MORC4: variants seen among roughly 807,000 people sequenced by gnomAD.
MORC4 encodes the protein MORC family CW-type zinc finger protein 4.
Under a neutral mutation model 65.5 loss-of-function variants are expected in MORC4, and 22 were observed. The ratio of observed to expected loss-of-function variants is 0.34; its 90% CI spans 0.24 to 0.48. MORC4 has a LOEUF of 0.48. Among genes scored for constraint, MORC4 ranks in the 20% least tolerant of loss-of-function variants. MORC4 has a pLI of 0.99. For synonymous variants in MORC4, 267 were observed against 255.8 expected, an observed-to-expected ratio of 1.04 and a Z score of -0.42; for missense variants, 624 against 703.0, an observed-to-expected ratio of 0.89 and a Z score of 1.27.
Position 106,957,086 on chromosome X carries a change from G to T in MORC4, c.1386-82C>A, listed in dbSNP as rs1370379780. The T allele has an allele frequency of 3.7e-5, 20 of 543,622 alleles. No individual in the cohort carries two copies. The Admixed American group carries it at 5.3e-4, about 14-fold the overall frequency. 44.8% of individuals were successfully genotyped at this position (543,622 alleles called of 1,213,427 possible). A position where few individuals can be genotyped will look rare whatever the true frequency, so the allele number is the denominator to read the frequency against. On this transcript the variant is annotated intron_variant, in intron 11 of 16. Coordinates refer to ENST00000355610, the MANE Select transcript of MORC4 (RefSeq NM_024657.5). ...CTTTTAATTTCCTTATAACTATGCA[G>T]GTTAACAACTCTCTAACATTACAGA...
In MORC4 at chrX:106,999,992, G is replaced by A; in HGVS notation, c.-23C>T. 1.3e-6 allele frequency: 1 copy of A among 752,534 alleles called. No individual in the cohort carries two copies. Among genetic ancestry groups the A allele is most frequent in the Non-Finnish European group, 1.7e-6 (1 of 601,523 alleles). The allele number at this position is 752,534 out of a possible 1,213,427, so 62.0% of individuals were successfully genotyped here. On this transcript the variant is annotated 5_prime_UTR_variant, in exon 1 of 17. It adds an upstream start codon to the 5' untranslated region. Transcript: ENST00000355610. Reference sequence around the variant, plus strand: ...CATTTTTTTGGCCGCCACGGTACCCGTCTGCTGCCGCCGGACCCCTGGCCC... The same window carrying A: ...CATTTTTTTGGCCGCCACGGTACCCATCTGCTGCCGCCGGACCCCTGGCCC...
intron 14 of MORC4, among the ~76,000 whole-genome samples, chrX:106,952,228 C>T (rs758065004): frequency 9.0e-6 from 1 of 110,794 alleles, no homozygotes; most frequent in East Asian, 2.8e-4. Context: ...ATTTCCTCAT[C>T]GTGCAAACAT....
At chrX:106,978,303 G>T (rs2147819588) in intron 7 of MORC4, 104 bp from the exon 8 acceptor site, 1 of 821,065 alleles carries the variant, frequency 1.2e-6, no homozygotes, top group Non-Finnish European at 1.7e-6. Flanking sequence ...GACATAAATT[G>T]GTACAACCTT....
chrX:106,997,550 C>T (rs1390878758), intron 2 of MORC4, among the ~76,000 whole-genome samples: 1 of 112,185 alleles, frequency 8.9e-6, no homozygotes, highest in Non-Finnish European at 1.9e-5. Context: ...CCTGGATCTG[C>T]TACTTAGTAT....
chrX:106,995,656 T>C (rs556762922), intron 2 of MORC4, among the ~76,000 whole-genome samples: 4 of 112,388 alleles, frequency 3.6e-5, no homozygotes, highest in African/African-American at 1.3e-4. Flanking sequence ...TGATGGATGA[T>C]ATAGTCAATC....
chrX:106,999,559 G>GCCCCCCCCCCCCCCCCCCCCCCCCC, intron 2 of MORC4, 118 bp downstream of exon 2: 1 of 616,247 alleles, frequency 1.6e-6, no homozygotes, highest in East Asian at 5.0e-5. Context: ...CGGTTCCGAG[G>GCCCCCCCCCCCCCCCCCCCCCCCCC]CCCCCACCCC....
At position 106,951,366 on chromosome X, in the gene MORC4, C is replaced by T. The variant is rs757683720; in HGVS notation, c.1685+3547G>A. ...ATTCTTGCCTTCATTCAAATGCTTACGGTTACTTTAGATCTTTCTTTTTTT... is the reference window on the plus strand; with the variant it reads ...ATTCTTGCCTTCATTCAAATGCTTATGGTTACTTTAGATCTTTCTTTTTTT... On this transcript the variant is annotated intron_variant, in intron 14 of 16. Transcript: ENST00000355610. Among the ~76,000 whole-genome samples, 17 of 111,610 alleles carry T rather than the reference C, an allele frequency of 1.5e-4. No individual in the cohort carries two copies. In the East Asian group the frequency reaches 4.2e-3, roughly 28 times the overall value.
intron 9 of MORC4, among the ~76,000 whole-genome samples, chrX:106,969,435 CAA>C (rs1294375003): frequency 2.7e-5 from 3 of 111,534 alleles, no homozygotes; most frequent in Non-Finnish European, 5.6e-5. Flanking sequence ...CAAGAGCAAA[CAA>C]ATTCAAAAGC....
chrX:106,960,636 A>G (rs1934215725), intron 10 of MORC4, among the ~76,000 whole-genome samples: 1 of 112,082 alleles, frequency 8.9e-6, no homozygotes, highest in Non-Finnish European at 1.9e-5. Context: ...TGCCTGACAT[A>G]TAAGTAAGCG....
chrX:106,998,448 T>C (rs1935117037), intron 2 of MORC4, among the ~76,000 whole-genome samples: 1 of 112,275 alleles, frequency 8.9e-6, no homozygotes, highest in Non-Finnish European at 1.9e-5. Context: ...GTATATCACG[T>C]TCTGCACCGT....
chrX:106,985,609 TCTG>T (rs772629009), intron 4 of MORC4, among the ~76,000 whole-genome samples: 1 of 111,127 alleles, frequency 9.0e-6, no homozygotes, highest in East Asian at 2.8e-4. Context: ...AATGAGCTAT[TCTG>T]CTATTATATA....
chrX:106,965,523 G>C (rs1392079002), intron 9 of MORC4, among the ~76,000 whole-genome samples: 1 of 111,925 alleles, frequency 8.9e-6, no homozygotes, highest in Non-Finnish European at 1.9e-5. Context: ...ATTAAATCCA[G>C]ATTCACAAAG....
intron 5 of MORC4, among the ~76,000 whole-genome samples, chrX:106,984,488 G>A: frequency 6.3e-5 from 1 of 15,810 alleles, no homozygotes. Flanking sequence ...TTTTTTTTTT[G>A]AGACAGAGTC....
chrX:106,986,215 G>T lies in MORC4; in HGVS notation c.309-15C>A. ...TAAAGCCAAAGCTGCAATTACACAA[G>T]AAAAAACAAATCAGAAAAAAAGAAA... On this transcript the variant is annotated splice_polypyrimidine_tract_variant and intron_variant, in intron 3 of 16. Coordinates refer to ENST00000355610, the MANE Select transcript of MORC4 (RefSeq NM_024657.5). 1 of 1,129,095 alleles carries T rather than the reference G, an allele frequency of 8.9e-7. No individual in the cohort carries two copies. The highest frequency in any genetic ancestry group is 1.2e-6 in the Non-Finnish European group (1 of 839,419). The allele number at this position is 1,129,095 out of a possible 1,213,427, so 93.1% of individuals were successfully genotyped here.
chrX:106,963,403 A>G lies in MORC4; in HGVS notation c.1158-1293T>C, dbSNP rs1934297273. Among the ~76,000 whole-genome samples the G allele has an allele frequency of 2.7e-5, 3 of 112,063 alleles. No individual in the cohort carries two copies. The Admixed American group carries it at 2.8e-4, about 11-fold the overall frequency. Reference sequence around the variant, plus strand: ...TTTGGTCAATTTCAGTTCTTAGCTCAGTAATAGCTACCCATTCCCCACTCC... The same window carrying G: ...TTTGGTCAATTTCAGTTCTTAGCTCGGTAATAGCTACCCATTCCCCACTCC... On this transcript the variant is annotated intron_variant, in intron 9 of 16. Coordinates refer to ENST00000355610, the MANE Select transcript of MORC4 (RefSeq NM_024657.5).
At chrX:106,974,663 G>A (rs1248731975) in intron 9 of MORC4, among the ~76,000 whole-genome samples, 2 of 111,528 alleles carry the variant, frequency 1.8e-5, no homozygotes, top group Admixed American at 9.5e-5. Flanking sequence ...CTCCACAACT[G>A]TTAAAAGTGG....
intron 12 of MORC4, 51 bp downstream of exon 12, chrX:106,956,885 G>A (rs1411436923): frequency 1.0e-6 from 1 of 971,884 alleles, no homozygotes; most frequent in Non-Finnish European, 1.4e-6. Flanking sequence ...GTAAGGAAGT[G>A]TCAGGCTACT....
intron 10 of MORC4, among the ~76,000 whole-genome samples, chrX:106,960,878 A>G (rs1248848107): frequency 1.8e-5 from 2 of 112,220 alleles, no homozygotes; most frequent in East Asian, 5.6e-4. Flanking sequence ...ATAAAATTTT[A>G]TATCATACAT....
At chrX:106,997,602 T>A (rs1569310602) in intron 2 of MORC4, among the ~76,000 whole-genome samples, 1 of 112,558 alleles carries the variant, frequency 8.9e-6, no homozygotes, top group African/African-American at 3.2e-5. Flanking sequence ...TCTGAACCTC[T>A]TTTTCTTCAT....
Sources: gnomAD v4.1 joint callset for allele counts (sites outside exome capture counted in the v4.1 genomes callset) on GRCh38, gnomAD v4.1.1 for gene constraint, MANE v1.5 for transcripts, NCBI Gene and HGNC (gene_info 2026-07-23, HGNC 2026-07-21) for gene names.